The following ACSS3 variants were observed in gnomAD, a reference collection of about 807,000 sequenced individuals.
ACSS3 encodes the protein acyl-CoA synthetase short-chain family member 3, mitochondrial.
ACSS3 carries 64 observed loss-of-function variants against 84.2 expected under a neutral mutation model. That is an observed-to-expected ratio of 0.76 (90% CI 0.62 to 0.94). The LOEUF is 0.94. ACSS3 is among the 40% of genes least tolerant of loss of function. ACSS3 has a pLI of 0.00. For missense variants in ACSS3, 815 were observed against 867.6 expected (o/e 0.94, Z 0.76); for synonymous variants, 317 against 310.1 (o/e 1.02, Z -0.23).
intron 5 of ACSS3, among the ~76,000 whole-genome samples, chr12:81,144,598 C>CA (rs71098125): frequency 0.87 from 132,180 of 152,046 alleles, 58,986 homozygotes; most frequent in Non-Finnish European, 0.97. Flanking sequence ...AAAGTATCAA[C>CA]TGAGAGAAAA....
chr12:81,208,907 T>TC (rs1214575864), intron 9 of ACSS3, among the ~76,000 whole-genome samples: 1 of 152,072 alleles, frequency 6.6e-6, no homozygotes, highest in Non-Finnish European at 1.5e-5. Flanking sequence ...CACTCCCTTT[T>TC]CCCCAGAAGA....
chr12:81,151,101 T>A (rs1271357509), intron 5 of ACSS3, among the ~76,000 whole-genome samples: 1 of 152,218 alleles, frequency 6.6e-6, no homozygotes, highest in Non-Finnish European at 1.5e-5. Flanking sequence ...TATGGTGACA[T>A]TTATACCCAG....
intron 9 of ACSS3, among the ~76,000 whole-genome samples, chr12:81,204,327 TCCTC>T (rs1218559563): frequency 6.6e-6 from 1 of 150,688 alleles, no homozygotes; most frequent in Non-Finnish European, 1.5e-5. Context: ...TCTTCTTCCT[TCCTC>T]CTCTTCTTCC....
chr12:81,249,402 G>T (rs1018504856), intron 13 of ACSS3, among the ~76,000 whole-genome samples: 4 of 151,966 alleles, frequency 2.6e-5, no homozygotes, highest in Admixed American at 2.6e-4. Context: ...ACTAATATTT[G>T]TGGGAACTTG....
chr12:81,109,480 A>G (rs1883384190), intron 1 of ACSS3, 80 bp from the exon 2 acceptor site: 3 of 1,492,036 alleles, frequency 2.0e-6, no homozygotes, highest in Non-Finnish European at 2.7e-6. Flanking sequence ...GCTCTATCAA[A>G]CTAGAAATAT....
At chr12:81,078,781 G>C (rs775794688) in intron 1 of ACSS3, among the ~76,000 whole-genome samples, 2 of 152,116 alleles carry the variant, frequency 1.3e-5, no homozygotes, top group African/African-American at 2.4e-5. Flanking sequence ...CAAAGCAAGC[G>C]GTACAAGAAA....
At chr12:81,102,070 T>C (rs7296582) in intron 1 of ACSS3, among the ~76,000 whole-genome samples, 58 of 136,700 alleles carry the variant, frequency 4.2e-4, no homozygotes, top group African/African-American at 1.5e-3. Context: ...CACACACACA[T>C]ATTCTAGCAC....
chr12:81,259,650 A>T lies in ACSS3; in HGVS notation c.*4728A>T. On this transcript the variant is annotated 3_prime_UTR_variant, in exon 16 of 16. Coordinates refer to ENST00000548058, the MANE Select transcript of ACSS3 (RefSeq NM_024560.4). ...GTGCACTTTAGGTAGAGTAGACTGA[A>T]AAGACGCCATCTAAAATATACAATG... The T allele has an allele frequency of 6.5e-7, 1 of 1,534,586 alleles. No homozygotes were observed. Among genetic ancestry groups the T allele is most frequent in the Non-Finnish European group, 8.7e-7 (1 of 1,145,722 alleles).
chr12:81,167,598 A>G (rs932206634), intron 7 of ACSS3, among the ~76,000 whole-genome samples: 3 of 152,298 alleles, frequency 2.0e-5, no homozygotes, highest in Admixed American at 2.0e-4. Flanking sequence ...TGGCAGAAGA[A>G]CAGAAGGACA....
At chr12:81,231,263 G>A in intron 12 of ACSS3, 125 bp downstream of exon 12, 1 of 695,472 alleles carries the variant, frequency 1.4e-6, no homozygotes, top group East Asian at 2.8e-5. Flanking sequence ...ATCTGGACCA[G>A]TTTCCAGCTC....
rs199915038 is a variant in ACSS3, at chr12:81,085,102, T to TAGGA, written c.311+6673_311+6676dup. On this transcript the variant is annotated intron_variant, in intron 1 of 15. Coordinates refer to ENST00000548058, the MANE Select transcript of ACSS3 (RefSeq NM_024560.4). ...ATGCAGAAGTGAAGAAATTATGAAA[T>TAGGA]AGGAATGAAGGGAATTTTGCTTGTT... is the stretch of plus-strand genomic sequence containing the variant. Among the ~76,000 whole-genome samples the TAGGA allele has an allele frequency of 3.6e-3, 552 of 152,282 alleles. 12 individuals carry two copies. Among genetic ancestry groups the TAGGA allele is most frequent in the Admixed American group, 0.032 (496 of 15,304 alleles).
chr12:81,244,145 C>T (rs147287516), intron 13 of ACSS3, among the ~76,000 whole-genome samples: 21 of 152,136 alleles, frequency 1.4e-4, no homozygotes, highest in Non-Finnish European at 2.8e-4. Context: ...ATTAATGGTG[C>T]TTTTTTCCCT....
rs1055670052 is a variant in ACSS3, at chr12:81,260,466, G to A, written c.*5544G>A. The stretch of plus-strand genomic sequence containing the variant: ...GTTCATTTCCTGAAGAAATTATAAT[G>A]CTATGTGTAGAATCTAATATAAACA... On this transcript the variant is annotated 3_prime_UTR_variant, in exon 16 of 16. Coordinates refer to ENST00000548058, the MANE Select transcript of ACSS3 (RefSeq NM_024560.4). The A allele has an allele frequency of 6.6e-6, 1 of 152,146 alleles. No individual in the cohort carries two copies. Among genetic ancestry groups the A allele is most frequent in the Non-Finnish European group, 1.5e-5 (1 of 68,032 alleles). The allele number at this position is 152,146 out of a possible 1,614,324, so 9.4% of individuals were successfully genotyped here. A position where few individuals can be genotyped will look rare whatever the true frequency, so the allele number is the denominator to read the frequency against.
At chr12:81,211,946 AG>A (rs2032609287) in intron 9 of ACSS3, among the ~76,000 whole-genome samples, 2 of 152,152 alleles carry the variant, frequency 1.3e-5, no homozygotes, top group South Asian at 4.1e-4. Flanking sequence ...CAAACACTCT[AG>A]GTATGAACCG....
At chr12:81,187,542 T>C (rs2031336741) in intron 8 of ACSS3, among the ~76,000 whole-genome samples, 1 of 151,926 alleles carries the variant, frequency 6.6e-6, no homozygotes, top group South Asian at 2.1e-4. Flanking sequence ...TGGAGTTGCA[T>C]ATCAGCATTT....
At chr12:81,126,572 A>T (rs185771652) in intron 2 of ACSS3, among the ~76,000 whole-genome samples, 31 of 135,762 alleles carry the variant, frequency 2.3e-4, no homozygotes, top group African/African-American at 7.7e-4. Flanking sequence ...AAATTTTAAC[A>T]TAAGTATCAA....
At position 81,208,830 on chromosome 12, in the gene ACSS3, G is replaced by A. The variant is rs12371928; in HGVS notation, c.1355-8071G>A. On this transcript the variant is annotated intron_variant, in intron 9 of 15. Transcript: ENST00000548058. ...TCTGCGGAATAACTCACAGTCCTTT[G>A]GTGGTCTAACTTCTGAACCTTTATA... 5.1e-3 allele frequency among the ~76,000 whole-genome samples: 773 copies of A among 152,146 alleles called. 2 individuals are homozygous for A. The highest frequency in any genetic ancestry group is 8.3e-3 in the Admixed American group (126 of 15,268).
chr12:81,235,684 G>T (rs1197728884), intron 13 of ACSS3, among the ~76,000 whole-genome samples: 2 of 151,512 alleles, frequency 1.3e-5, no homozygotes, highest in African/African-American at 4.8e-5. Context: ...CTAGCATACA[G>T]ATTCTGAACA....
At position 81,255,734 on chromosome 12, in the gene ACSS3, T is replaced by G. The variant is rs2034276112; in HGVS notation, c.*812T>G. 1 of 151,918 alleles carries G rather than the reference T, an allele frequency of 6.6e-6. No homozygotes were observed. Among genetic ancestry groups the G allele is most frequent in the Non-Finnish European group, 1.5e-5 (1 of 68,008 alleles). The allele number at this position is 151,918 out of a possible 1,614,324, so 9.4% of individuals were successfully genotyped here. A position where few individuals can be genotyped will look rare whatever the true frequency, so the allele number is the denominator to read the frequency against. On this transcript the variant is annotated 3_prime_UTR_variant, in exon 16 of 16. Coordinates refer to ENST00000548058, the MANE Select transcript of ACSS3 (RefSeq NM_024560.4). ...ATCACTTGAATACAAGAGGCAGAGG[T>G]TGCAGTGAGCCAAGTTCCCCCACTG...
Sources: gnomAD v4.1 joint callset for allele counts (sites outside exome capture counted in the v4.1 genomes callset) on GRCh38, gnomAD v4.1.1 for gene constraint, MANE v1.5 for transcripts, NCBI Gene and HGNC (gene_info 2026-07-23, HGNC 2026-07-21) for gene names.